The following AMBRA1 variants were observed in gnomAD, a reference collection of about 807,000 sequenced individuals.
The protein encoded by AMBRA1 is autophagy and beclin 1 regulator 1, also known as activating molecule in BECN1-regulated autophagy protein 1.
Under a neutral mutation model 125.4 loss-of-function variants are expected in AMBRA1, and 47 were observed. The ratio of observed to expected loss-of-function variants is 0.37; its 90% CI spans 0.30 to 0.48. The LOEUF (loss-of-function observed/expected upper bound fraction) is 0.48, where lower values mean the gene tolerates loss of function less well. AMBRA1 is among the 20% of genes least tolerant of loss of function. The probability of loss-of-function intolerance (pLI) is 0.99; values close to 1 mark genes in which losing one functional copy is unlikely to be tolerated. For synonymous variants in AMBRA1, 626 were observed against 655.5 expected (o/e 0.95, Z 0.69); for missense variants, 1,331 against 1,693.4 (o/e 0.79, Z 3.76).
chr11:46,480,477 A>G (rs565097695), intron 11 of AMBRA1, among the ~76,000 whole-genome samples: 1 of 152,342 alleles, frequency 6.6e-6, no homozygotes, highest in African/African-American at 2.4e-5. Context: ...GCTAAATGAC[A>G]TAATGGCCAA....
chr11:46,495,821 T>G (rs1407136292), intron 9 of AMBRA1, among the ~76,000 whole-genome samples: 2 of 152,212 alleles, frequency 1.3e-5, no homozygotes, highest in Non-Finnish European at 2.9e-5. Context: ...CATGATAGCT[T>G]TTCATTATCG....
chr11:46,430,348 C>T (rs1268613632), intron 14 of AMBRA1, among the ~76,000 whole-genome samples: 1 of 152,174 alleles, frequency 6.6e-6, no homozygotes, highest in African/African-American at 2.4e-5. Flanking sequence ...CTGAGACTGA[C>T]TCTGCCTTGC....
chr11:46,513,703 G>A (rs1951363144), intron 7 of AMBRA1, among the ~76,000 whole-genome samples: 1 of 152,124 alleles, frequency 6.6e-6, no homozygotes, highest in Non-Finnish European at 1.5e-5. Flanking sequence ...GGAAGCAAGA[G>A]CATATGTATT....
At chr11:46,420,069 G>A (rs1438237629) in intron 14 of AMBRA1, among the ~76,000 whole-genome samples, 1 of 147,640 alleles carries the variant, frequency 6.8e-6, no homozygotes, top group African/African-American at 2.5e-5. Flanking sequence ...TAGCTAAATG[G>A]TACTCTTCCA....
chr11:46,429,227 A>T, intron 14 of AMBRA1: 4 of 1,217,724 alleles, frequency 3.3e-6, no homozygotes, highest in Non-Finnish European at 4.7e-6. Context: ...GCGGCCCCCT[A>T]CCCCATAAAA....
In AMBRA1 at chr11:46,425,638, G is replaced by C. The variant is rs1186755476; in HGVS notation, c.2977-7586C>G. 4.8e-5 allele frequency among the ~76,000 whole-genome samples: 7 copies of C among 146,814 alleles called. No individual in the cohort carries two copies. The South Asian group carries it at 1.3e-3, about 28-fold the overall frequency. ...AGGTGGATCACGAGGTCAGGAGTTCGAGACCAGCCTGACCAACATGGTGAA... is the reference window on the plus strand; with the variant it reads ...AGGTGGATCACGAGGTCAGGAGTTCCAGACCAGCCTGACCAACATGGTGAA... On this transcript the variant is annotated intron_variant, in intron 14 of 17. Transcript: ENST00000683756.
chr11:46,407,658 C>T (rs1360002676), intron 17 of AMBRA1, among the ~76,000 whole-genome samples: 3 of 152,240 alleles, frequency 2.0e-5, no homozygotes, highest in East Asian at 1.9e-4. Context: ...CAAGCGACCA[C>T]GCAATACCCT....
chr11:46,561,633 T>C (rs2043341442), intron 1 of AMBRA1, among the ~76,000 whole-genome samples: 1 of 152,150 alleles, frequency 6.6e-6, no homozygotes, highest in Non-Finnish European at 1.5e-5. Context: ...GTAGATACTG[T>C]GTTCAGTGTT....
chr11:46,411,846 G>A (rs1438449489), intron 15 of AMBRA1, among the ~76,000 whole-genome samples: 1 of 151,854 alleles, frequency 6.6e-6, no homozygotes, highest in East Asian at 1.9e-4. Context: ...GACTGGTCTT[G>A]AACTCCTGGG....
chr11:46,517,231 T>C (rs1951533289), intron 7 of AMBRA1, among the ~76,000 whole-genome samples: 1 of 137,950 alleles, frequency 7.2e-6, no homozygotes, highest in African/African-American at 2.7e-5. Flanking sequence ...CACTGCAACC[T>C]CCGCCTCCCG....
intron 1 of AMBRA1, among the ~76,000 whole-genome samples, chr11:46,581,041 G>T (rs1398280582): frequency 2.6e-5 from 4 of 151,876 alleles, no homozygotes; most frequent in Non-Finnish European, 5.9e-5. Context: ...CAATCCACCC[G>T]CCTCAGCCTC....
chr11:46,443,002 G>GT (rs1435304722), intron 12 of AMBRA1, among the ~76,000 whole-genome samples: 1 of 152,150 alleles, frequency 6.6e-6, no homozygotes, highest in East Asian at 1.9e-4. Context: ...GATTACAGGC[G>GT]TGAGCCACCG....
At chr11:46,517,470 GTTTT>G (rs768814141) in intron 7 of AMBRA1, among the ~76,000 whole-genome samples, 3 of 96,184 alleles carry the variant, frequency 3.1e-5, no homozygotes, top group African/African-American at 4.6e-5. Context: ...TATTAATAAG[GTTTT>G]TTTTTTTTTT....
At chr11:46,436,986 T>C (rs1947749507) in intron 12 of AMBRA1, among the ~76,000 whole-genome samples, 1 of 152,232 alleles carries the variant, frequency 6.6e-6, no homozygotes, top group Non-Finnish European at 1.5e-5. Flanking sequence ...CGAAAATGTC[T>C]GTTGGGTATG....
intron 1 of AMBRA1, chr11:46,549,194 T>G (rs1261005395): frequency 6.6e-6 from 1 of 152,158 alleles, no homozygotes; most frequent in Non-Finnish European, 1.5e-5. Context: ...AGCAGCACAA[T>G]ACACACAAGT....
chr11:46,401,101 C>G (rs1397906236), intron 17 of AMBRA1, among the ~76,000 whole-genome samples: 1 of 152,154 alleles, frequency 6.6e-6, no homozygotes, highest in East Asian at 1.9e-4. Flanking sequence ...TCCCCTGGGG[C>G]CCTCCCTGTG....
At chr11:46,570,716 T>C (rs2043727804) in intron 1 of AMBRA1, among the ~76,000 whole-genome samples, 1 of 152,118 alleles carries the variant, frequency 6.6e-6, no homozygotes, top group Non-Finnish European at 1.5e-5. Context: ...AACACTGGGT[T>C]TTTTCCCTTT....
chr11:46,551,065 C>T (rs2042979857), intron 1 of AMBRA1, among the ~76,000 whole-genome samples: 1 of 147,830 alleles, frequency 6.8e-6, no homozygotes, highest in Admixed American at 6.7e-5. Context: ...CCACTGCACT[C>T]CAGCCTGGGC....
At chr11:46,503,060 CA>C (rs35217088) in intron 9 of AMBRA1, among the ~76,000 whole-genome samples, 2,916 of 30,986 alleles carry the variant, frequency 0.094, 17 homozygotes, top group African/African-American at 0.21. Flanking sequence ...GACTCTGTCT[CA>C]AAAAAAAAAA....
Sources: gnomAD v4.1 joint callset for allele counts (sites outside exome capture counted in the v4.1 genomes callset) on GRCh38, gnomAD v4.1.1 for gene constraint, MANE v1.5 for transcripts, NCBI Gene and HGNC (gene_info 2026-07-23, HGNC 2026-07-21) for gene names.